CCDC13: variants seen among roughly 807,000 people sequenced by gnomAD.
CCDC13 encodes coiled-coil domain-containing protein 13.
Under a neutral mutation model 87.3 loss-of-function variants are expected in CCDC13, and 70 were observed. The observed-to-expected ratio is 0.80, with a 90% confidence interval of 0.66 to 0.98. CCDC13 has a LOEUF of 0.98. Among genes scored for constraint, CCDC13 ranks in the 50% least tolerant of loss-of-function variants. The pLI, the probability that CCDC13 is intolerant of heterozygous loss-of-function variation, is 0.00. For synonymous variants in CCDC13, 317 were observed against 360.3 expected (o/e 0.88, Z 1.36); for missense variants, 842 against 892.0 (o/e 0.94, Z 0.71).
At chr3:42,713,083 C>A in intron 14 of CCDC13, 79 bp downstream of exon 14, 1 of 1,509,770 alleles carries the variant, frequency 6.6e-7, no homozygotes, top group Admixed American at 1.9e-5. Context: ...ATGGGCTGAA[C>A]AGTGCAGCTG....
At chr3:42,758,665 T>A (rs1255162680) in intron 1 of CCDC13, among the ~76,000 whole-genome samples, 1 of 152,230 alleles carries the variant, frequency 6.6e-6, no homozygotes, top group African/African-American at 2.4e-5. Flanking sequence ...AACATTGAAA[T>A]CCCCTAGGAA....
Position 42,733,400 on chromosome 3 carries a change from G to A in CCDC13, c.1511+70C>T. The A allele has an allele frequency of 1.9e-6, 3 of 1,590,618 alleles. No homozygotes were observed. The South Asian group carries it at 3.3e-5, about 18-fold the overall frequency. ...CACCTGTGGCTTCCCATCAGAGGTA[G>A]CAAGAAACAACCTTTCTTCCGAATA... On this transcript the variant is annotated intron_variant, in intron 11 of 15. Coordinates refer to ENST00000310232, the MANE Select transcript of CCDC13 (RefSeq NM_144719.4).
intron 15 of CCDC13, 91 bp from the exon 16 acceptor site, chr3:42,709,230 T>A: frequency 7.4e-7 from 1 of 1,351,806 alleles, no homozygotes; most frequent in Non-Finnish European, 1.0e-6. Flanking sequence ...GTTGCCAGCA[T>A]GGCTGCTCTT....
At position 42,708,990 on chromosome 3, in the gene CCDC13, C is replaced by T; in HGVS notation, c.2138G>A (p.Gly713Asp). The change falls in exon 16 of 16, where the codon GGC becomes GAC. Residue 713 changes from glycine to aspartate, a missense_variant. Gly to Asp is a moderately conservative substitution (Grantham distance 94). Transcript: ENST00000310232. ...CACTGGGCTGTCATCCTATTGCTTG[C>T]CTGTCTTCTGCTGCCGCAGGGCCTG... is the stretch of plus-strand genomic sequence containing the variant. ...FLQALRQQKT[G>D]KQ The T allele has an allele frequency of 6.2e-7, 1 of 1,611,544 alleles. No individual in the cohort carries two copies. Among genetic ancestry groups the T allele is most frequent in the Non-Finnish European group, 8.5e-7 (1 of 1,178,770 alleles).
chr3:42,710,502 A>AG (rs1451414416), intron 14 of CCDC13, among the ~76,000 whole-genome samples: 1 of 152,178 alleles, frequency 6.6e-6, no homozygotes, highest in Admixed American at 6.5e-5. Flanking sequence ...ACTAGGAAGC[A>AG]GGGGATCCAG....
chr3:42,742,904 C>T lies in CCDC13; in HGVS notation c.979G>A (p.Gly327Ser), dbSNP rs758778390. The T allele has an allele frequency of 6.2e-7, 1 of 1,614,114 alleles. No homozygotes were observed. Among genetic ancestry groups the T allele is most frequent in the Non-Finnish European group, 8.5e-7 (1 of 1,179,978 alleles). ...CCTCAGGCACGCGTTACCTCCAAGC[C>T]TTCCTGTTTTTCCCTTTCCAGGCTG... ...IRSLEREKQE[G>S]LEKLASERDV... The change falls in exon 8 of 16, where the codon GGC becomes AGC. Residue 327 changes from glycine (G) to serine (S), a missense_variant. Transcript: ENST00000310232.
intron 8 of CCDC13, among the ~76,000 whole-genome samples, chr3:42,742,337 GA>G (rs1219315132): frequency 6.6e-6 from 1 of 152,196 alleles, no homozygotes; most frequent in African/African-American, 2.4e-5. Context: ...GGTCCTTGTG[GA>G]AGAGAGTGAA....
chr3:42,746,168 G>A, intron 6 of CCDC13, 141 bp from the exon 7 acceptor site: 1 of 665,058 alleles, frequency 1.5e-6, no homozygotes, highest in Non-Finnish European at 2.6e-6. Context: ...GCCCTCAAAG[G>A]TCAGTTTTCC....
Position 42,708,801 on chromosome 3 carries a change from T to G in CCDC13, c.*179A>C. The G allele has an allele frequency of 1.6e-6, 1 of 616,872 alleles. No individual in the cohort carries two copies. The highest frequency in any genetic ancestry group is 2.6e-5 in the South Asian group (1 of 38,190). 38.2% of individuals were successfully genotyped at this position (616,872 alleles called of 1,614,324 possible). A position where few individuals can be genotyped will look rare whatever the true frequency, so the allele number is the denominator to read the frequency against. On this transcript the variant is annotated 3_prime_UTR_variant, in exon 16 of 16. Transcript: ENST00000310232. ...TGCAGTGTCCCACCAGGGCTTCTCT[T>G]CTGCCTTCCTGGCCTGAGACATTGG... is the stretch of plus-strand genomic sequence containing the variant.
chr3:42,772,590 G>A (rs1700154160), intron 1 of CCDC13, among the ~76,000 whole-genome samples: 2 of 152,214 alleles, frequency 1.3e-5, no homozygotes, highest in South Asian at 2.1e-4. Flanking sequence ...GGGCCTGGAG[G>A]TGTGGGGAGG....
intron 12 of CCDC13, among the ~76,000 whole-genome samples, chr3:42,731,183 G>A (rs1287818100): frequency 1.3e-5 from 2 of 152,050 alleles, no homozygotes; most frequent in African/African-American, 4.8e-5. Context: ...GAGCCCACAT[G>A]TGAGTTCCAA....
At chr3:42,721,494 T>G (rs1486883445) in intron 13 of CCDC13, among the ~76,000 whole-genome samples, 1 of 152,260 alleles carries the variant, frequency 6.6e-6, no homozygotes, top group Non-Finnish European at 1.5e-5. Flanking sequence ...TAATTTTGTT[T>G]CAAACGTTGC....
chr3:42,741,590 A>C (rs1349245676), intron 8 of CCDC13, among the ~76,000 whole-genome samples: 1 of 152,188 alleles, frequency 6.6e-6, no homozygotes, highest in Non-Finnish European at 1.5e-5. Context: ...TATAAAAATT[A>C]GCCGGGCATG....
intron 13 of CCDC13, 103 bp from the exon 14 acceptor site, chr3:42,713,419 TA>T: frequency 8.7e-7 from 1 of 1,150,756 alleles, no homozygotes; most frequent in South Asian, 1.5e-5. Context: ...CTTACATTGG[TA>T]GTGATGGGAC....
chr3:42,771,540 A>C (rs888391584), intron 1 of CCDC13, among the ~76,000 whole-genome samples: 4 of 152,208 alleles, frequency 2.6e-5, no homozygotes, highest in African/African-American at 9.6e-5. Context: ...GGACCACTTG[A>C]GGCCAGGAGT....
chr3:42,761,283 T>C (rs1699827277), intron 1 of CCDC13, among the ~76,000 whole-genome samples: 1 of 152,198 alleles, frequency 6.6e-6, no homozygotes, highest in East Asian at 1.9e-4. Flanking sequence ...TATCTGCACT[T>C]GCTGTTACCT....
intron 1 of CCDC13, among the ~76,000 whole-genome samples, chr3:42,771,315 T>A (rs1487938192): frequency 6.6e-6 from 1 of 152,164 alleles, no homozygotes; most frequent in Non-Finnish European, 1.5e-5. Context: ...ATGAAAAATA[T>A]CAGTGGTTTC....
At chr3:42,745,731 T>A in intron 7 of CCDC13, 192 bp downstream of exon 7, 1 of 505,438 alleles carries the variant, frequency 2.0e-6, no homozygotes, top group Non-Finnish European at 3.5e-6. Flanking sequence ...AAGAGCTTGT[T>A]CATTAAATAA....
Position 42,747,300 on chromosome 3 carries a change from T to G in CCDC13, c.677A>C (p.Asn226Thr). 6.2e-7 allele frequency: 1 copy of G among 1,614,146 alleles called. No individual in the cohort carries two copies. The highest frequency in any genetic ancestry group is 1.1e-5 in the South Asian group (1 of 91,082). Residue 226 changes from asparagine to threonine, a missense_variant, in exon 6 of 16, where the codon AAC (asparagine) becomes ACC (threonine). Coordinates refer to ENST00000310232, the MANE Select transcript of CCDC13 (RefSeq NM_144719.4). Reference sequence around the variant, plus strand: ...CTCCTGCTTCACAGACTGGATCTGGTTTCGGAGGTCACTCATCTTCAAGTT... The same window carrying G: ...CTCCTGCTTCACAGACTGGATCTGGGTTCGGAGGTCACTCATCTTCAAGTT... ...ATNLKMSDLR[N>T]QIQSVKQELR...
Sources: gnomAD v4.1 joint callset for allele counts (sites outside exome capture counted in the v4.1 genomes callset) on GRCh38, gnomAD v4.1.1 for gene constraint, MANE v1.5 for transcripts, NCBI Gene and HGNC (gene_info 2026-07-23, HGNC 2026-07-21) for gene names.